Variants in MEI4 observed in about 807,000 individuals in gnomAD.
MEI4 encodes meiotic double-stranded break formation protein 4.
A neutral mutation model predicts 31.4 loss-of-function variants in MEI4; 27 were observed. The observed-to-expected ratio is 0.86, with a 90% CI of 0.63 to 1.19. The LOEUF is 1.19. Among genes scored for constraint, MEI4 ranks in the 50% most tolerant of loss-of-function variants. The probability of loss-of-function intolerance (pLI) is 0.00; values close to 1 mark genes in which losing one functional copy is unlikely to be tolerated. For missense variants in MEI4, 329 were observed against 398.9 expected (o/e 0.82, Z 1.49); for synonymous variants, 122 against 145.4 (o/e 0.84, Z 1.16).
chr6:77,669,924 T>C (rs1768707573), intron 1 of MEI4, among the ~76,000 whole-genome samples: 1 of 152,226 alleles, frequency 6.6e-6, no homozygotes, highest in Admixed American at 6.5e-5. Context: ...CACACAACTT[T>C]GTCCAGGGGC....
Position 77,739,729 on chromosome 6 carries a change from T to TAA in MEI4, c.233-21391_233-21390dup, listed in dbSNP as rs571704986. 3.9e-3 allele frequency among the ~76,000 whole-genome samples: 577 copies of TAA among 147,846 alleles called. 5 individuals are homozygous for TAA. Among genetic ancestry groups the TAA allele is most frequent in the African/African-American group, 0.014 (550 of 40,520 alleles). On this transcript the variant is annotated intron_variant, in intron 2 of 4. Coordinates refer to ENST00000684080, the MANE Select transcript of MEI4 (RefSeq NM_001322247.2). ...GCACATGTATCCCAGAACTTAGAAT[T>TAA]AAAAAAAAAAATAGGAAAACCAACT...
chr6:77,923,726 G>GGAGATTTTTA lies in MEI4; in HGVS notation c.*380_*381insGAGATTTTTA, dbSNP rs1316054557. ...GTAATCAAAGAAAGAGATTTTTAAA[G>GGAGATTTTTA]AAGTTTAGTTGCATTATCAACACAA... On this transcript the variant is annotated 3_prime_UTR_variant, in exon 5 of 5. Transcript: ENST00000684080. 2 of 11,290 alleles carry GGAGATTTTTA rather than the reference G, an allele frequency of 1.8e-4. No individual in the cohort carries two copies. The highest frequency in any genetic ancestry group is 2.4e-4 in the Non-Finnish European group (2 of 8,210). 0.7% of individuals were successfully genotyped at this position (11,290 alleles called of 1,614,324 possible). A position where few individuals can be genotyped will look rare whatever the true frequency, so the allele number is the denominator to read the frequency against.
chr6:77,698,615 T>C (rs1294821141), intron 2 of MEI4, among the ~76,000 whole-genome samples: 3 of 152,254 alleles, frequency 2.0e-5, no homozygotes, highest in African/African-American at 4.8e-5. Context: ...TTCTGGCTTA[T>C]AGAGTTTCTG....
intron 3 of MEI4, among the ~76,000 whole-genome samples, chr6:77,800,737 C>A (rs1769230002): frequency 6.6e-6 from 1 of 152,262 alleles, no homozygotes; most frequent in South Asian, 2.1e-4. Flanking sequence ...TTTTCTGCAT[C>A]TATTGAGATA....
chr6:77,789,150 G>T (rs544969413), intron 3 of MEI4, among the ~76,000 whole-genome samples: 1 of 152,256 alleles, frequency 6.6e-6, no homozygotes, highest in African/African-American at 2.4e-5. Context: ...AATGAGCAAT[G>T]GGGAAAGGAT....
intron 1 of MEI4, among the ~76,000 whole-genome samples, chr6:77,683,508 C>T (rs2127649963): frequency 6.6e-6 from 1 of 152,164 alleles, no homozygotes; most frequent in Non-Finnish European, 1.5e-5. Flanking sequence ...GGAAGTTATT[C>T]ATCTTGTCTA....
intron 1 of MEI4, among the ~76,000 whole-genome samples, chr6:77,688,679 G>A (rs1769103745): frequency 1.3e-5 from 2 of 151,878 alleles, no homozygotes; most frequent in South Asian, 2.1e-4. Flanking sequence ...TTTTCTTTTA[G>A]CCTGGAATCC....
intron 3 of MEI4, among the ~76,000 whole-genome samples, chr6:77,822,945 A>G (rs1157788405): frequency 6.6e-6 from 1 of 152,108 alleles, no homozygotes; most frequent in Non-Finnish European, 1.5e-5. Flanking sequence ...AGCAAAAATA[A>G]TGTTATTTTA....
At position 77,847,041 on chromosome 6, in the gene MEI4, A is replaced by G. The variant is rs768342453; in HGVS notation, c.900+17979A>G. ...GTTGGGGAAATAATGTTTAACAACA[A>G]TGACTGTCATCTTAAAGGGTTCTGT... On this transcript the variant is annotated intron_variant, in intron 4 of 4. Transcript: ENST00000684080. The surrounding 1 kb of genome is among the most constrained non-coding windows in gnomAD (Gnocchi z 4.6). Among the ~76,000 whole-genome samples, 1 of 152,176 alleles carries G rather than the reference A, an allele frequency of 6.6e-6. No homozygotes were observed.
At chr6:77,860,997 C>T (rs960268046) in intron 4 of MEI4, among the ~76,000 whole-genome samples, 3 of 152,190 alleles carry the variant, frequency 2.0e-5, no homozygotes, top group African/African-American at 7.2e-5. Flanking sequence ...CATCATTAAT[C>T]TAATAACAGT....
intron 3 of MEI4, among the ~76,000 whole-genome samples, chr6:77,808,738 T>A (rs1321889702): frequency 6.6e-6 from 1 of 152,128 alleles, no homozygotes; most frequent in African/African-American, 2.4e-5. Context: ...GATATTTATT[T>A]AGAAGGCCTT....
intron 4 of MEI4, among the ~76,000 whole-genome samples, chr6:77,877,147 T>G (rs1351325409): frequency 6.6e-6 from 1 of 152,116 alleles, no homozygotes; most frequent in Non-Finnish European, 1.5e-5. Flanking sequence ...ATTATTTATT[T>G]CACAAAGATA....
intron 2 of MEI4, among the ~76,000 whole-genome samples, chr6:77,736,752 A>T (rs1767248534): frequency 6.6e-6 from 1 of 152,094 alleles, no homozygotes; most frequent in South Asian, 2.1e-4. Context: ...CAGTCTAGTG[A>T]GGGTAAGATT....
chr6:77,740,293 T>C (rs117729277), intron 2 of MEI4, among the ~76,000 whole-genome samples: 2,005 of 152,282 alleles, frequency 0.013, 15 homozygotes, highest in Middle Eastern at 0.037. Flanking sequence ...TCTGTTGTTT[T>C]GAGGTAGAGA....
rs139363141 is a variant in MEI4 at position 77,733,417 on chromosome 6, A to C, written c.233-27713A>C. Among the ~76,000 whole-genome samples the C allele has an allele frequency of 0.023, 3,441 of 152,060 alleles. 324 individuals are homozygous for C. In the East Asian group the frequency reaches 0.31, roughly 14 times the overall value. On this transcript the variant is annotated intron_variant, in intron 2 of 4. Transcript: ENST00000684080. ...TAGATTTTCTGGTTTATTTGCGTAGAGGTGTTCGTAGTATTCTCTGATGGT... is the reference window on the plus strand; with the variant it reads ...TAGATTTTCTGGTTTATTTGCGTAGCGGTGTTCGTAGTATTCTCTGATGGT...
intron 2 of MEI4, among the ~76,000 whole-genome samples, chr6:77,728,327 T>C (rs1243458763): frequency 1.3e-5 from 2 of 152,192 alleles, no homozygotes; most frequent in South Asian, 2.1e-4. Context: ...GCTTATGATA[T>C]AGTTAGAAAG....
chr6:77,885,747 G>A (rs1401953580), intron 4 of MEI4, among the ~76,000 whole-genome samples: 1 of 152,082 alleles, frequency 6.6e-6, no homozygotes, highest in Non-Finnish European at 1.5e-5. Context: ...TCTTGTTCCA[G>A]TTATTAGAGG....
intron 3 of MEI4, among the ~76,000 whole-genome samples, chr6:77,786,650 A>T (rs987091342): frequency 1.3e-5 from 2 of 152,134 alleles, no homozygotes; most frequent in East Asian, 3.9e-4. Flanking sequence ...TGATTAGTGC[A>T]TATAGTAAAT....
At chr6:77,885,526 G>A (rs1435421867) in intron 4 of MEI4, among the ~76,000 whole-genome samples, 1 of 151,932 alleles carries the variant, frequency 6.6e-6, no homozygotes, top group Non-Finnish European at 1.5e-5. Context: ...TTTGTATCCT[G>A]CAACTATACT....
Sources: gnomAD v4.1 joint callset for allele counts (sites outside exome capture counted in the v4.1 genomes callset) on GRCh38, gnomAD v4.1.1 for gene constraint, Gnocchi (gnomAD v3.1) non-coding constraint, MANE v1.5 for transcripts, NCBI Gene and HGNC (gene_info 2026-07-23, HGNC 2026-07-21) for gene names.